ADGRG6: variants seen among roughly 807,000 people sequenced by gnomAD.
ADGRG6 encodes adhesion G protein-coupled receptor G6.
ADGRG6 carries 84 observed loss-of-function variants against 142.4 expected under a neutral mutation model. The observed-to-expected ratio is 0.59, with a 90% CI of 0.49 to 0.71. The LOEUF (loss-of-function observed/expected upper bound fraction) is 0.71, where lower values mean the gene tolerates loss of function less well. Among genes scored for constraint, ADGRG6 ranks in the 30% least tolerant of loss-of-function variants. ADGRG6 has a pLI of 0.00. For missense variants in ADGRG6, 1,367 were observed against 1,466.6 expected, an observed-to-expected ratio of 0.93 and a Z score of 1.11; for synonymous variants, 521 against 520.5, an observed-to-expected ratio of 1.00 and a Z score of -0.01.
At chr6:142,381,661 A>T (rs1781776830) in intron 4 of ADGRG6, among the ~76,000 whole-genome samples, 1 of 152,246 alleles carries the variant, frequency 6.6e-6, no homozygotes, top group Non-Finnish European at 1.5e-5. Flanking sequence ...AAAATTTATT[A>T]TACAAAAAGC....
Position 142,443,342 on chromosome 6 carries a change from G to A in ADGRG6, c.3580G>A (p.Ala1194Thr). Residue 1194 changes from alanine (A) to threonine (T), a missense_variant, in exon 25 of 25, where the codon GCT becomes ACT. Coordinates refer to ENST00000367609, the MANE Select transcript of ADGRG6 (RefSeq NM_198569.3). ...YFKRNSHTDS[A>T]SMDKSLSKLA... is the part of the protein sequence containing the mutation. ...TCTTGTATCATTTCTTGCAGACAGT[G>A]CTTCCATGGACAAGTCCTTGTCAAA... The A allele has an allele frequency of 6.2e-7, 1 of 1,608,058 alleles. No homozygotes were observed. The highest frequency in any genetic ancestry group is 8.5e-7 in the Non-Finnish European group (1 of 1,176,954).
intron 18 of ADGRG6, among the ~76,000 whole-genome samples, 153 bp from the exon 19 acceptor site, chr6:142,414,816 A>G (rs1431392538): frequency 2.0e-5 from 3 of 152,218 alleles, no homozygotes; most frequent in African/African-American, 7.2e-5. Context: ...CGAAAATAAT[A>G]TAATAAATGG....
Position 142,444,718 on chromosome 6 carries a change from T to C in ADGRG6, c.*1203T>C, listed in dbSNP as rs973580241. On this transcript the variant is annotated 3_prime_UTR_variant, in exon 25 of 25. Transcript: ENST00000367609. Reference sequence around the variant, plus strand: ...TGCATACAAACCTTGCATACTATTATGCAGCTTACCTAACTCTCAGACTAT... The same window carrying C: ...TGCATACAAACCTTGCATACTATTACGCAGCTTACCTAACTCTCAGACTAT... 2 of 152,216 alleles carry C rather than the reference T, an allele frequency of 1.3e-5. No homozygotes were observed. Among genetic ancestry groups the C allele is most frequent in the African/African-American group, 4.8e-5 (2 of 41,474 alleles). The allele number at this position is 152,216 out of a possible 1,614,324, so 9.4% of individuals were successfully genotyped here.
chr6:142,331,458 G>A (rs763799385), intron 2 of ADGRG6, among the ~76,000 whole-genome samples: 2 of 151,934 alleles, frequency 1.3e-5, no homozygotes, highest in East Asian at 1.9e-4. Flanking sequence ...TGTGTCTGTC[G>A]GTATAATCAT....
intron 2 of ADGRG6, among the ~76,000 whole-genome samples, chr6:142,358,426 G>A (rs1780558292): frequency 6.6e-6 from 1 of 152,180 alleles, no homozygotes; most frequent in Non-Finnish European, 1.5e-5. Context: ...TTCAGTCCTT[G>A]TAGAATAAGT....
intron 1 of ADGRG6, among the ~76,000 whole-genome samples, chr6:142,307,742 G>A (rs1363853342): frequency 6.6e-6 from 1 of 151,940 alleles, no homozygotes; most frequent in African/African-American, 2.4e-5. Context: ...CTTCTCATTA[G>A]CAGTACTTCT....
At chr6:142,427,017 A>T (rs543310569) in intron 22 of ADGRG6, among the ~76,000 whole-genome samples, 11 of 152,294 alleles carry the variant, frequency 7.2e-5, no homozygotes, top group African/African-American at 2.4e-4. Context: ...CTGTGATGGG[A>T]AGGGCTACTG....
chr6:142,310,779 A>T (rs1777729910), intron 2 of ADGRG6, among the ~76,000 whole-genome samples: 1 of 151,940 alleles, frequency 6.6e-6, no homozygotes, highest in East Asian at 1.9e-4. Context: ...TTGTAAAGCC[A>T]TTTTCCTTAT....
intron 15 of ADGRG6, among the ~76,000 whole-genome samples, chr6:142,406,848 C>G (rs1775829466): frequency 6.6e-6 from 1 of 151,880 alleles, no homozygotes; most frequent in Non-Finnish European, 1.5e-5. Flanking sequence ...TACCTTAAAA[C>G]CAATATAAAA....
chr6:142,341,023 A>AT (rs887712485), intron 2 of ADGRG6, among the ~76,000 whole-genome samples: 2 of 151,778 alleles, frequency 1.3e-5, no homozygotes, highest in Admixed American at 6.6e-5. Context: ...AGATGTCTTA[A>AT]TTTTTTTTAA....
intron 2 of ADGRG6, among the ~76,000 whole-genome samples, chr6:142,318,960 T>G (rs1016039166): frequency 6.6e-6 from 1 of 152,058 alleles, no homozygotes; most frequent in Non-Finnish European, 1.5e-5. Flanking sequence ...TACAGTTCTG[T>G]AAGTAAGATT....
In ADGRG6 at chr6:142,393,059, TTG is replaced by T. The variant is rs1774984006; in HGVS notation, c.1361+61_1361+62del. The T allele has an allele frequency of 5.4e-6, 5 of 924,370 alleles. No individual in the cohort carries two copies. The South Asian group carries it at 5.6e-5, about 10-fold the overall frequency. The allele number at this position is 924,370 out of a possible 1,614,324, so 57.3% of individuals were successfully genotyped here. A position where few individuals can be genotyped will look rare whatever the true frequency, so the allele number is the denominator to read the frequency against. Reference sequence around the variant, plus strand: ...GTAGTGTCTAATTTAATGCTACTATTTGTCTCTCTGATTGTACCAAAATATAC... The same window carrying T: ...GTAGTGTCTAATTTAATGCTACTATTTCTCTCTGATTGTACCAAAATATAC... On this transcript the variant is annotated intron_variant, in intron 8 of 24. Transcript: ENST00000367609.
At chr6:142,339,095 C>G (rs899890555) in intron 2 of ADGRG6, among the ~76,000 whole-genome samples, 3 of 152,152 alleles carry the variant, frequency 2.0e-5, no homozygotes, top group South Asian at 2.1e-4. Context: ...AGTAGTTGTA[C>G]AAATCTCAGG....
At chr6:142,349,313 G>C (rs1780050079) in intron 2 of ADGRG6, among the ~76,000 whole-genome samples, 1 of 152,226 alleles carries the variant, frequency 6.6e-6, no homozygotes, top group Admixed American at 6.5e-5. Flanking sequence ...GGAAAGTGAA[G>C]GAAGAATGGG....
At chr6:142,348,451 GT>G (rs1264734451) in intron 2 of ADGRG6, among the ~76,000 whole-genome samples, 1 of 151,988 alleles carries the variant, frequency 6.6e-6, no homozygotes, top group Admixed American at 6.6e-5. Flanking sequence ...CAAAAATTTT[GT>G]TTTCTAATTC....
At chr6:142,303,074 G>A (rs895135037) in intron 1 of ADGRG6, among the ~76,000 whole-genome samples, 3 of 152,306 alleles carry the variant, frequency 2.0e-5, no homozygotes, top group Admixed American at 1.3e-4. Flanking sequence ...TCCAGAATGG[G>A]AAAAGGAAGA....
chr6:142,383,215 C>G (rs1781853400), intron 5 of ADGRG6, among the ~76,000 whole-genome samples: 1 of 152,092 alleles, frequency 6.6e-6, no homozygotes, highest in African/African-American at 2.4e-5. Flanking sequence ...GTTTAGTAAA[C>G]TTTTTGGAAT....
intron 1 of ADGRG6, among the ~76,000 whole-genome samples, chr6:142,303,921 G>A (rs1034874099): frequency 6.6e-6 from 1 of 152,144 alleles, no homozygotes; most frequent in Non-Finnish European, 1.5e-5. Flanking sequence ...TCATTATAGG[G>A]TAAAAGCGTG....
intron 9 of ADGRG6, 92 bp from the exon 10 acceptor site, chr6:142,397,521 C>T: frequency 5.4e-6 from 6 of 1,120,230 alleles, no homozygotes; most frequent in Non-Finnish European, 6.6e-6. Context: ...AGGTGATGGT[C>T]ATCCCTCTAC....
Sources: gnomAD v4.1 joint callset for allele counts (sites outside exome capture counted in the v4.1 genomes callset) on GRCh38, gnomAD v4.1.1 for gene constraint, MANE v1.5 for transcripts, NCBI Gene and HGNC (gene_info 2026-07-23, HGNC 2026-07-21) for gene names.